GOLGA3: variants seen among roughly 807,000 people sequenced by gnomAD.
GOLGA3 encodes the protein golgin A3.
In GOLGA3, 75 loss-of-function variants were observed where a neutral mutation model predicts 169.4. The observed-to-expected ratio is 0.44, with a 90% CI of 0.37 to 0.54. The LOEUF (loss-of-function observed/expected upper bound fraction) is 0.54. GOLGA3 is among the 20% of genes least tolerant of loss of function. The pLI is 0.00. For synonymous variants in GOLGA3, 824 were observed against 822.4 expected (o/e 1.00, Z -0.03); for missense variants, 1,899 against 1,930.0 (o/e 0.98, Z 0.30).
In GOLGA3 at chr12:132,796,225, A is replaced by G. The variant is rs759292298; in HGVS notation, c.2101-5T>C. 3.2e-6 allele frequency: 5 copies of G among 1,582,558 alleles called. No homozygotes were observed. The highest frequency in any genetic ancestry group is 1.3e-5 in the African/African-American group (1 of 74,472). Reference sequence around the variant, plus strand: ...CTGGAGTAAAGTCAACTTCACCTGGAGAAGGAATGAAGCCCACATGGCTGC... The same window carrying G: ...CTGGAGTAAAGTCAACTTCACCTGGGGAAGGAATGAAGCCCACATGGCTGC... On this transcript the variant is annotated splice_polypyrimidine_tract_variant and splice_region_variant and intron_variant, in intron 10 of 23. Coordinates refer to ENST00000450791, the MANE Select transcript of GOLGA3 (RefSeq NM_001389683.1).
chr12:132,820,677 G>C (rs1033058766), intron 2 of GOLGA3, among the ~76,000 whole-genome samples: 5 of 152,148 alleles, frequency 3.3e-5, no homozygotes, highest in African/African-American at 1.2e-4. Flanking sequence ...GAATAACTAA[G>C]TCACCCTTTC....
chr12:132,805,956 G>A lies in GOLGA3; in HGVS notation c.1291-934C>T, dbSNP rs566975867. On this transcript the variant is annotated intron_variant, in intron 6 of 23. Transcript: ENST00000450791. ...CAGGGAAAGGCGGCTGCCTAAGTGC[G>A]GCTCCAGCCAGAGCCACGGGACACA... is the stretch of plus-strand genomic sequence containing the variant. Among the ~76,000 whole-genome samples the A allele has an allele frequency of 3.3e-5, 5 of 152,322 alleles. No homozygotes were observed. In the East Asian group the frequency reaches 5.8e-4, roughly 18 times the overall value.
chr12:132,812,298 G>C (rs776765404), intron 4 of GOLGA3, among the ~76,000 whole-genome samples: 3 of 152,002 alleles, frequency 2.0e-5, no homozygotes, highest in Non-Finnish European at 4.4e-5. Context: ...GTACAAGGAG[G>C]TGAATGTCGC....
chr12:132,772,253 T>C lies in GOLGA3; in HGVS notation c.*852A>G, dbSNP rs1212279063. 1 of 152,174 alleles carries C rather than the reference T, an allele frequency of 6.6e-6. No individual in the cohort carries two copies. Among genetic ancestry groups the C allele is most frequent in the Non-Finnish European group, 1.5e-5 (1 of 68,034 alleles). The allele number at this position is 152,174 out of a possible 1,614,324, so 9.4% of individuals were successfully genotyped here. On this transcript the variant is annotated 3_prime_UTR_variant, in exon 24 of 24. Coordinates refer to ENST00000450791, the MANE Select transcript of GOLGA3 (RefSeq NM_001389683.1). Reference sequence around the variant, plus strand: ...ACATGAGCATATGCTTCTTAAAGACTGGGTGACAGGCCGGGCGCAGGGGCT... The same window carrying C: ...ACATGAGCATATGCTTCTTAAAGACCGGGTGACAGGCCGGGCGCAGGGGCT...
intron 2 of GOLGA3, among the ~76,000 whole-genome samples, chr12:132,819,925 A>G (rs1950140685): frequency 6.6e-6 from 1 of 152,214 alleles, no homozygotes; most frequent in South Asian, 2.1e-4. Flanking sequence ...CACGCCTGCA[A>G]TCCCAGCACT....
At chr12:132,825,242 G>A (rs1298815905) in intron 1 of GOLGA3, among the ~76,000 whole-genome samples, 1 of 151,866 alleles carries the variant, frequency 6.6e-6, no homozygotes, top group Non-Finnish European at 1.5e-5. Flanking sequence ...GGAACCGACG[G>A]TGTGTGCCTG....
At chr12:132,792,802 C>T (rs2136433763) in intron 11 of GOLGA3, among the ~76,000 whole-genome samples, 2 of 122,546 alleles carry the variant, frequency 1.6e-5, no homozygotes, top group East Asian at 5.3e-4. Context: ...CCACACGGAC[C>T]CACCCCACGG....
intron 11 of GOLGA3, among the ~76,000 whole-genome samples, chr12:132,791,534 G>A (rs1235856595): frequency 6.6e-6 from 1 of 152,084 alleles, no homozygotes; most frequent in Non-Finnish European, 1.5e-5. Flanking sequence ...TACACTGAGG[G>A]CTCCAGAAGG....
chr12:132,771,528 G>A lies in GOLGA3; in HGVS notation c.*1577C>T, dbSNP rs1245483392. 6.6e-6 allele frequency: 1 copy of A among 152,202 alleles called. No homozygotes were observed. Among genetic ancestry groups the A allele is most frequent in the Non-Finnish European group, 1.5e-5 (1 of 68,048 alleles). The allele number at this position is 152,202 out of a possible 1,614,324, so 9.4% of individuals were successfully genotyped here. A position where few individuals can be genotyped will look rare whatever the true frequency, so the allele number is the denominator to read the frequency against. On this transcript the variant is annotated 3_prime_UTR_variant, in exon 24 of 24. Transcript: ENST00000450791. ...GTAGGAAACAGAAGATCTCACACATGTCGTGCTGATTTTAAATAAGGCATC... is the reference window on the plus strand; with the variant it reads ...GTAGGAAACAGAAGATCTCACACATATCGTGCTGATTTTAAATAAGGCATC...
Position 132,782,804 on chromosome 12 carries a change from A to T in GOLGA3, c.3268-311T>A, listed in dbSNP as rs568829149. ...GGCAGAAGGATCGCTTGAACCCAGG[A>T]GGTGGAGGTTGCAGTGAGCTGAGAT... On this transcript the variant is annotated intron_variant, in intron 16 of 23. Coordinates refer to ENST00000450791, the MANE Select transcript of GOLGA3 (RefSeq NM_001389683.1). 2.0e-4 allele frequency among the ~76,000 whole-genome samples: 30 copies of T among 148,200 alleles called. 2 individuals carry two copies. In the South Asian group the frequency reaches 6.5e-3, roughly 32 times the overall value.
intron 5 of GOLGA3, among the ~76,000 whole-genome samples, 178 bp downstream of exon 5, chr12:132,807,713 G>C (rs956460720): frequency 2.0e-5 from 3 of 152,120 alleles, no homozygotes; most frequent in Non-Finnish European, 4.4e-5. Flanking sequence ...CGTGGGCCCG[G>C]GAAGCAACAT....
chr12:132,774,098 AG>A (rs1183142754), intron 23 of GOLGA3, 58 bp downstream of exon 23: 1 of 1,468,498 alleles, frequency 6.8e-7, no homozygotes, highest in Non-Finnish European at 9.1e-7. Flanking sequence ...GTGCCCTCCC[AG>A]GTAAGAGGGC....
At chr12:132,820,758 C>T (rs941484538) in intron 2 of GOLGA3, among the ~76,000 whole-genome samples, 2 of 152,074 alleles carry the variant, frequency 1.3e-5, no homozygotes, top group African/African-American at 4.8e-5. Flanking sequence ...CTCTACGGGA[C>T]GACTTCTGAA....
intron 16 of GOLGA3, 134 bp downstream of exon 16, chr12:132,784,029 GA>G (rs2045760245): frequency 6.5e-7 from 1 of 1,528,098 alleles, no homozygotes; most frequent in Admixed American, 2.0e-5. Context: ...CCGACGGTCA[GA>G]AGGTGGCAAC....
chr12:132,825,017 C>T (rs1253218924), intron 1 of GOLGA3, among the ~76,000 whole-genome samples: 1 of 152,232 alleles, frequency 6.6e-6, no homozygotes, highest in Non-Finnish European at 1.5e-5. Flanking sequence ...GAATTACAAA[C>T]TGGCACGGAG....
At chr12:132,779,166 C>T (rs1021568530) in intron 18 of GOLGA3, among the ~76,000 whole-genome samples, 8 of 152,068 alleles carry the variant, frequency 5.3e-5, no homozygotes, top group East Asian at 1.9e-4. Context: ...CCACAACCTC[C>T]GCCTCCTGGT....
At chr12:132,814,408 G>A (rs1409842490) in intron 3 of GOLGA3, among the ~76,000 whole-genome samples, 2 of 152,192 alleles carry the variant, frequency 1.3e-5, no homozygotes, top group Admixed American at 6.5e-5. Context: ...CTCTCACCAC[G>A]CTGCAACTTG....
At chr12:132,816,388 T>C in intron 3 of GOLGA3, 152 bp downstream of exon 3, 1 of 716,204 alleles carries the variant, frequency 1.4e-6, no homozygotes, top group African/African-American at 1.8e-5. Flanking sequence ...AAGCTCTCCT[T>C]GCTAAACTCA....
At chr12:132,816,434 C>A in intron 3 of GOLGA3, 106 bp downstream of exon 3, 1 of 1,176,388 alleles carries the variant, frequency 8.5e-7, no homozygotes, top group Non-Finnish European at 1.2e-6. Flanking sequence ...ACACGGCAGG[C>A]ACAGGCACAC....
Sources: allele counts gnomAD v4.1 joint callset (sites outside exome capture counted in the v4.1 genomes callset), GRCh38; gene constraint gnomAD v4.1.1; transcripts MANE v1.5; gene names NCBI Gene and HGNC (gene_info 2026-07-23, HGNC 2026-07-21).